CLCN7: variants seen among roughly 807,000 people sequenced by gnomAD.
The protein encoded by CLCN7 is Cl-/H+ antiporter 7.
A neutral mutation model predicts 102.1 loss-of-function variants in CLCN7; 60 were observed. The ratio of observed to expected loss-of-function variants is 0.59; its 90% confidence interval spans 0.48 to 0.73. The LOEUF is 0.73. Among genes scored for constraint, CLCN7 ranks in the 30% least tolerant of loss-of-function variants. CLCN7 has a pLI of 0.00. For missense variants in CLCN7, 962 were observed against 1,125.7 expected, an observed-to-expected ratio of 0.85 and a Z score of 2.08; for synonymous variants, 560 against 490.5, an observed-to-expected ratio of 1.14 and a Z score of -1.87.
chr16:1,445,060 G>C lies in CLCN7; in HGVS notation c.*1571C>G, dbSNP rs1221197610. 1 of 152,288 alleles carries C rather than the reference G, an allele frequency of 6.6e-6. No individual in the cohort carries two copies. The highest frequency in any genetic ancestry group is 6.5e-5 in the Admixed American group (1 of 15,284). The allele number at this position is 152,288 out of a possible 1,614,324, so 9.4% of individuals were successfully genotyped here. On this transcript the variant is annotated 3_prime_UTR_variant, in exon 25 of 25. Coordinates refer to ENST00000382745, the MANE Select transcript of CLCN7 (RefSeq NM_001287.6). ...TTTCCGGCGCCGACTCTGAGGCCCG[G>C]GAGTTTTCTTCTTGCGTCACCCCAG...
At chr16:1,464,390 T>A (rs1282895837) in intron 2 of CLCN7, among the ~76,000 whole-genome samples, 2 of 152,188 alleles carry the variant, frequency 1.3e-5, no homozygotes, top group Non-Finnish European at 2.9e-5. Flanking sequence ...AGCAAAGGCT[T>A]TGAAGTCCAA....
intron 23 of CLCN7, 85 bp downstream of exon 23, chr16:1,447,307 C>A: frequency 1.4e-6 from 2 of 1,395,480 alleles, no homozygotes; most frequent in Admixed American, 4.1e-5. Flanking sequence ...GTGGCCCCCC[C>A]CGGCTGCCCC....
intron 24 of CLCN7, 34 bp from the exon 25 acceptor site, chr16:1,446,751 G>A: frequency 6.5e-7 from 1 of 1,530,572 alleles, no homozygotes; most frequent in Non-Finnish European, 8.9e-7. Flanking sequence ...GTGACACACG[G>A]GTCGGCTCCC....
chr16:1,456,352 G>A (rs1365355774), intron 9 of CLCN7, 146 bp from the exon 10 acceptor site: 26 of 702,786 alleles, frequency 3.7e-5, no homozygotes, highest in African/African-American at 8.8e-5. Context: ...GAAGAGCACC[G>A]TGCTGCAGAC....
rs2038673869 is a variant in CLCN7, at chr16:1,447,649, A to G, written c.2073+6T>C. 1 of 1,554,554 alleles carries G rather than the reference A, an allele frequency of 6.4e-7. No individual in the cohort carries two copies. The highest frequency in any genetic ancestry group is 8.7e-7 in the Non-Finnish European group (1 of 1,149,468). Reference sequence around the variant, plus strand: ...CCCGCCCAATGGCCCGGAGCCTGGCACGCACCTTGTGCTTTAGGAGAACGA... The same window carrying G: ...CCCGCCCAATGGCCCGGAGCCTGGCGCGCACCTTGTGCTTTAGGAGAACGA... On this transcript the variant is annotated splice_donor_region_variant and intron_variant, in intron 22 of 24. Coordinates refer to ENST00000382745, the MANE Select transcript of CLCN7 (RefSeq NM_001287.6).
chr16:1,447,283 G>A lies in CLCN7; in HGVS notation c.2250+109C>T, dbSNP rs565895693. ...GCCCTTCACAGGAGACAGAGTCACCGAGTCCTCTCCGCTGTGGCCCCCCCC... is the reference window on the plus strand; with the variant it reads ...GCCCTTCACAGGAGACAGAGTCACCAAGTCCTCTCCGCTGTGGCCCCCCCC... On this transcript the variant is annotated intron_variant, in intron 23 of 24. Transcript: ENST00000382745. 8.9e-3 allele frequency: 11,178 copies of A among 1,257,154 alleles called. 69 individuals carry two copies. The highest frequency in any genetic ancestry group is 0.01 in the Non-Finnish European group (9,275 of 908,288). The allele number at this position is 1,257,154 out of a possible 1,614,324, so 77.9% of individuals were successfully genotyped here.
Position 1,457,091 on chromosome 16 carries a change from G to A in CLCN7, c.822+163C>T, listed in dbSNP as rs1302560831. 6.6e-6 allele frequency among the ~76,000 whole-genome samples: 1 copy of A among 152,190 alleles called. No homozygotes were observed. The highest frequency in any genetic ancestry group is 1.5e-5 in the Non-Finnish European group (1 of 68,026). On this transcript the variant is annotated intron_variant, in intron 9 of 24. Coordinates refer to ENST00000382745, the MANE Select transcript of CLCN7 (RefSeq NM_001287.6). This position sits in a 1 kb window ranked among gnomAD's most constrained non-coding sequence, Gnocchi z 5.4. Reference sequence around the variant, plus strand: ...GCGGGCCGTAGGGAGGCCTTGCCGGGCAGGGACTGTGCCCGCTGGCTCTGG... The same window carrying A: ...GCGGGCCGTAGGGAGGCCTTGCCGGACAGGGACTGTGCCCGCTGGCTCTGG...
intron 2 of CLCN7, among the ~76,000 whole-genome samples, chr16:1,462,683 A>AAAAAAAAC (rs1471363912): frequency 1.5e-3 from 221 of 150,922 alleles, no homozygotes; most frequent in African/African-American, 5.2e-3. Context: ...AAAAAAAAAA[A>AAAAAAAAC]AAAACCAGGC....
At chr16:1,463,242 A>C (rs1396104241) in intron 2 of CLCN7, among the ~76,000 whole-genome samples, 1 of 152,206 alleles carries the variant, frequency 6.6e-6, no homozygotes, top group African/African-American at 2.4e-5. Context: ...CTTAGGAAAA[A>C]ACGGGTCAGT....
chr16:1,472,183 C>T (rs1181759758), intron 1 of CLCN7, among the ~76,000 whole-genome samples: 1 of 152,248 alleles, frequency 6.6e-6, no homozygotes, highest in Non-Finnish European at 1.5e-5. Context: ...AGAGTATCCG[C>T]TGTTATTAAA....
chr16:1,465,608 G>A (rs1192040322), intron 1 of CLCN7, among the ~76,000 whole-genome samples: 3 of 152,174 alleles, frequency 2.0e-5, no homozygotes, highest in Non-Finnish European at 4.4e-5. Context: ...TAGACTGAAA[G>A]CGAGGCACCT....
rs2038892191 is a variant in CLCN7 at position 1,459,309 on chromosome 16, G to GA, written c.595-123dup. On this transcript the variant is annotated intron_variant, in intron 6 of 24. Transcript: ENST00000382745. ...GACACGTCGGGGCCTCAGGGAAGGGGAGCTCAGCACACAAACGTCGGGGCC... is the reference window on the plus strand; with the variant it reads ...GACACGTCGGGGCCTCAGGGAAGGGGAAGCTCAGCACACAAACGTCGGGGCC... The GA allele has an allele frequency of 4.7e-5, 36 of 771,684 alleles. 1 individual carries two copies. In the South Asian group the frequency reaches 5.7e-4, roughly 12 times the overall value. The allele number at this position is 771,684 out of a possible 1,614,324, so 47.8% of individuals were successfully genotyped here.
At chr16:1,469,015 A>AC (rs2039042523) in intron 1 of CLCN7, among the ~76,000 whole-genome samples, 1 of 146,614 alleles carries the variant, frequency 6.8e-6, no homozygotes, top group South Asian at 2.2e-4. Flanking sequence ...ACATGAAGCA[A>AC]CCCCGTCTCT....
At chr16:1,451,555 C>A in intron 16 of CLCN7, 68 bp downstream of exon 16, 1 of 1,373,452 alleles carries the variant, frequency 7.3e-7, no homozygotes, top group Non-Finnish European at 1.0e-6. Flanking sequence ...CCACAGGGGA[C>A]ACTCAGCCAG....
chr16:1,455,314 C>T (rs1323726992), intron 11 of CLCN7, 64 bp from the exon 12 acceptor site: 3 of 1,032,836 alleles, frequency 2.9e-6, no homozygotes, highest in Non-Finnish European at 4.6e-6. Flanking sequence ...GCTCACGGAC[C>T]AGCAGGGACC....
At chr16:1,463,608 G>T (rs1383999785) in intron 2 of CLCN7, among the ~76,000 whole-genome samples, 3 of 152,060 alleles carry the variant, frequency 2.0e-5, no homozygotes, top group Non-Finnish European at 4.4e-5. Context: ...TGAGTAGCTG[G>T]GACCACAGGC....
chr16:1,472,812 G>A (rs1321434830), intron 1 of CLCN7: 3 of 140,990 alleles, frequency 2.1e-5, no homozygotes, highest in South Asian at 4.5e-4. Flanking sequence ...AAACTACCTC[G>A]GAAAAAAAAA....
intron 1 of CLCN7, among the ~76,000 whole-genome samples, chr16:1,469,888 A>T (rs112570032): frequency 0.012 from 1,820 of 152,300 alleles, 45 homozygotes; most frequent in African/African-American, 0.041. Flanking sequence ...CATAAAGAGG[A>T]ATGACCACCG....
At chr16:1,453,378 A>G (rs1057284870) in intron 14 of CLCN7, among the ~76,000 whole-genome samples, 11 of 152,126 alleles carry the variant, frequency 7.2e-5, no homozygotes, top group Non-Finnish European at 1.3e-4. Flanking sequence ...CCTGGGGTAA[A>G]GACTCCTCGG....
Sources: allele counts gnomAD v4.1 joint callset (sites outside exome capture counted in the v4.1 genomes callset), GRCh38; gene constraint gnomAD v4.1.1; non-coding constraint Gnocchi (gnomAD v3.1); transcripts MANE v1.5; gene names NCBI Gene and HGNC (gene_info 2026-07-23, HGNC 2026-07-21).